DNMBP: variants seen among roughly 807,000 people sequenced by gnomAD.
The protein encoded by DNMBP is dynamin binding protein.
A neutral mutation model predicts 150.0 loss-of-function variants in DNMBP; 87 were observed. That is an observed-to-expected ratio of 0.58 (90% CI 0.49 to 0.69). The LOEUF (loss-of-function observed/expected upper bound fraction) is 0.69, where lower values mean the gene tolerates loss of function less well. Ranked by LOEUF, DNMBP falls within the 30% of genes least tolerant of loss-of-function variation. DNMBP has a pLI of 0.00. For synonymous variants in DNMBP, 711 were observed against 750.4 expected (o/e 0.95, Z 0.86); for missense variants, 1,774 against 1,949.0 (o/e 0.91, Z 1.69).
At chr10:99,891,917 G>T (rs1232170943) in intron 11 of DNMBP, among the ~76,000 whole-genome samples, 18 of 147,472 alleles carry the variant, frequency 1.2e-4, no homozygotes, top group Admixed American at 3.3e-4. Context: ...GGAGGGAGGT[G>T]GGGGGGTCAG....
intron 4 of DNMBP, among the ~76,000 whole-genome samples, chr10:99,940,967 C>T (rs1564739718): frequency 6.6e-6 from 1 of 152,192 alleles, no homozygotes; most frequent in Non-Finnish European, 1.5e-5. Flanking sequence ...TCATTGCAAC[C>T]TCCACCTCCC....
chr10:99,922,551 C>G (rs1245211141), intron 4 of DNMBP, among the ~76,000 whole-genome samples: 1 of 112,526 alleles, frequency 8.9e-6, no homozygotes, highest in Non-Finnish European at 1.7e-5. Context: ...AGATCTCACT[C>G]TCTTGCCCAG....
At chr10:99,893,933 T>C (rs2039614052) in intron 11 of DNMBP, among the ~76,000 whole-genome samples, 1 of 152,196 alleles carries the variant, frequency 6.6e-6, no homozygotes, top group Non-Finnish European at 1.5e-5. Context: ...TTTGGTACCT[T>C]TAAATTTTAT....
chr10:99,957,471 A>T (rs1411141447), intron 3 of DNMBP: 4 of 488,990 alleles, frequency 8.2e-6, no homozygotes, highest in Non-Finnish European at 1.4e-5. Context: ...TCTCATAATA[A>T]CACTAAGACT....
At chr10:100,002,875 A>G (rs7894103) in intron 1 of DNMBP, among the ~76,000 whole-genome samples, 17,091 of 152,110 alleles carry the variant, frequency 0.11, 1,313 homozygotes, top group African/African-American at 0.21. Flanking sequence ...ATACCTTAAA[A>G]CTTGATAAAG....
At chr10:99,913,020 C>T (rs150146449) in intron 4 of DNMBP, among the ~76,000 whole-genome samples, 14 of 152,216 alleles carry the variant, frequency 9.2e-5, no homozygotes, top group African/African-American at 2.9e-4. Context: ...CTGGGCCATG[C>T]GTGGTGGCTC....
intron 4 of DNMBP, among the ~76,000 whole-genome samples, chr10:99,925,147 C>T (rs1380415017): frequency 1.3e-5 from 2 of 152,118 alleles, no homozygotes; most frequent in South Asian, 2.1e-4. Flanking sequence ...TTTCTGTGCA[C>T]TCTGCAGAGA....
chr10:99,879,719 C>T (rs959143088), intron 16 of DNMBP, 92 bp downstream of exon 16: 37 of 1,559,484 alleles, frequency 2.4e-5, no homozygotes, highest in Admixed American at 5.4e-5. Flanking sequence ...ACCCCTAGGC[C>T]TCAGGCAAGC....
chr10:99,934,016 G>A (rs1380531646), intron 4 of DNMBP, among the ~76,000 whole-genome samples: 2 of 152,180 alleles, frequency 1.3e-5, no homozygotes, highest in African/African-American at 2.4e-5. Flanking sequence ...GATTACAGGC[G>A]TGAGCCACTG....
chr10:99,944,962 T>C (rs1395309340), intron 4 of DNMBP, among the ~76,000 whole-genome samples: 1 of 152,140 alleles, frequency 6.6e-6, no homozygotes, highest in African/African-American at 2.4e-5. Flanking sequence ...GCTAAGATCC[T>C]AAAGAACTCC....
chr10:99,908,787 C>A (rs2039858889), intron 5 of DNMBP, among the ~76,000 whole-genome samples, 166 bp downstream of exon 5: 1 of 152,166 alleles, frequency 6.6e-6, no homozygotes, highest in Admixed American at 6.5e-5. Flanking sequence ...GAAGGCTTAG[C>A]TGATGACACA....
intron 2 of DNMBP, among the ~76,000 whole-genome samples, chr10:99,969,901 T>C (rs1338255344): frequency 6.6e-6 from 1 of 152,186 alleles, no homozygotes; most frequent in Non-Finnish European, 1.5e-5. Context: ...CTTTCTATCA[T>C]TCTTAAGTCT....
rs1436602245 is a variant in DNMBP, at chr10:99,898,241, G to C, written c.2765C>G (p.Pro922Arg). Residue 922 changes from proline (P) to arginine (R), a missense_variant, in exon 9 of 17, where the codon CCA becomes CGA. Coordinates refer to ENST00000324109, the MANE Select transcript of DNMBP (RefSeq NM_015221.4). ...CGGGTAACGCATTACTCTCTGTACT[G>C]GTTTGATGAGGAAGGAGCCCAGGTT... ...YINLGSFLIK[P>R]VQRVMRYPLL... 3 of 1,613,956 alleles carry C rather than the reference G, an allele frequency of 1.9e-6. No individual in the cohort carries two copies.
intron 6 of DNMBP, among the ~76,000 whole-genome samples, chr10:99,904,575 C>T (rs903815239): frequency 3.3e-5 from 5 of 152,030 alleles, no homozygotes; most frequent in Non-Finnish European, 7.4e-5. Context: ...CCTGGCCTTC[C>T]GTTAGAGCCA....
intron 4 of DNMBP, among the ~76,000 whole-genome samples, chr10:99,914,346 T>G (rs1312316852): frequency 2.0e-5 from 3 of 152,178 alleles, no homozygotes; most frequent in Non-Finnish European, 4.4e-5. Flanking sequence ...TGTTGTTGTT[T>G]TGCGTGGGAA....
chr10:99,939,098 G>GGAAAAAAGGGAGAAAAGTGTGCC (rs2040266373), intron 4 of DNMBP, among the ~76,000 whole-genome samples: 1 of 151,232 alleles, frequency 6.6e-6, no homozygotes, highest in African/African-American at 2.4e-5. Context: ...GAAGGGTAAA[G>GGAAAAAAGGGAGAAAAGTGTGCC]GAAAAAAGGG....
rs1399990703 is a variant in DNMBP at position 99,886,188 on chromosome 10, C to T, written c.3618+112G>A. On this transcript the variant is annotated intron_variant, in intron 13 of 16. Coordinates refer to ENST00000324109, the MANE Select transcript of DNMBP (RefSeq NM_015221.4). ...TTTCCTGAGGGATGAACTAGCGACA[C>T]ATTCAGTTTATCTAATTCAGATAAT... is the stretch of plus-strand genomic sequence containing the variant. 6 of 882,158 alleles carry T rather than the reference C, an allele frequency of 6.8e-6. No homozygotes were observed. The Admixed American group carries it at 1.4e-4, about 20-fold the overall frequency. The allele number at this position is 882,158 out of a possible 1,614,324, so 54.6% of individuals were successfully genotyped here. A position where few individuals can be genotyped will look rare whatever the true frequency, so the allele number is the denominator to read the frequency against.
chr10:99,926,940 T>A (rs1257958241), intron 4 of DNMBP: 1 of 152,070 alleles, frequency 6.6e-6, no homozygotes, highest in East Asian at 1.9e-4. Context: ...ACCTTAGGAA[T>A]AAGGCCCACC....
intron 4 of DNMBP, among the ~76,000 whole-genome samples, chr10:99,948,899 G>T (rs1033702058): frequency 2.6e-5 from 4 of 151,860 alleles, no homozygotes; most frequent in Non-Finnish European, 5.9e-5. Flanking sequence ...GGAGGCAGAA[G>T]TTGCAGTGAG....
Sources: allele counts gnomAD v4.1 joint callset (sites outside exome capture counted in the v4.1 genomes callset), GRCh38; gene constraint gnomAD v4.1.1; transcripts MANE v1.5; gene names NCBI Gene and HGNC (gene_info 2026-07-23, HGNC 2026-07-21).